SLC44A5: variants seen among roughly 807,000 people sequenced by gnomAD.
SLC44A5 encodes the protein choline transporter-like protein 5.
A neutral mutation model predicts 101.8 loss-of-function variants in SLC44A5; 57 were observed. The ratio of observed to expected loss-of-function variants is 0.56; its 90% CI spans 0.45 to 0.70. SLC44A5 has a LOEUF of 0.70. SLC44A5 is among the 30% of genes least tolerant of loss of function. The pLI is 0.00. For missense variants in SLC44A5, 737 were observed against 853.1 expected (o/e 0.86, Z 1.70); for synonymous variants, 281 against 290.9 (o/e 0.97, Z 0.35).
At chr1:75,350,045 A>G (rs938112134) in intron 3 of SLC44A5, among the ~76,000 whole-genome samples, 4 of 152,144 alleles carry the variant, frequency 2.6e-5, no homozygotes, top group African/African-American at 9.7e-5. Context: ...CTGAATGTTT[A>G]TGCCCTCCCA....
intron 6 of SLC44A5, among the ~76,000 whole-genome samples, chr1:75,263,779 A>C (rs189190186): frequency 2.0e-5 from 3 of 152,324 alleles, no homozygotes; most frequent in Non-Finnish European, 2.9e-5. Context: ...GTACATATAC[A>C]CCATGGACTA....
intron 2 of SLC44A5, among the ~76,000 whole-genome samples, chr1:75,428,902 AAG>A: frequency 6.6e-6 from 1 of 152,324 alleles, no homozygotes; most frequent in African/African-American, 2.4e-5. Flanking sequence ...TGCCAGAAGT[AAG>A]AGTCTTAGTT....
At chr1:75,427,382 T>C (rs78790344) in intron 2 of SLC44A5, among the ~76,000 whole-genome samples, 3,398 of 152,320 alleles carry the variant, frequency 0.022, 144 homozygotes, top group African/African-American at 0.077. Flanking sequence ...CAGTCATGCA[T>C]TGAAATTCCA....
intron 5 of SLC44A5, among the ~76,000 whole-genome samples, chr1:75,287,087 A>C (rs898276411): frequency 3.3e-5 from 5 of 151,746 alleles, no homozygotes; most frequent in Non-Finnish European, 5.9e-5. Flanking sequence ...TTATTCTTAA[A>C]TTTGGTTGTT....
At chr1:75,638,142 T>C in the SLC44A5 span, among the ~76,000 whole-genome samples, 2 of 151,966 alleles carry the variant, frequency 1.3e-5, no homozygotes, top group African/African-American at 2.4e-5. Flanking sequence ...GCAGTAAATA[T>C]GATACAAAAT....
the SLC44A5 span, among the ~76,000 whole-genome samples, chr1:75,702,241 C>T: frequency 1.3e-5 from 2 of 152,178 alleles, no homozygotes; most frequent in Non-Finnish European, 2.9e-5. Context: ...AGGCATCATG[C>T]TACCTGACTT....
chr1:75,423,061 G>T (rs1247723001), intron 2 of SLC44A5, among the ~76,000 whole-genome samples: 1 of 152,160 alleles, frequency 6.6e-6, no homozygotes, highest in Admixed American at 6.5e-5. Flanking sequence ...ATTAAATCCT[G>T]ATTCATCTCT....
chr1:75,481,476 A>T (rs1008793419), intron 2 of SLC44A5, among the ~76,000 whole-genome samples: 16 of 152,050 alleles, frequency 1.1e-4, no homozygotes, highest in African/African-American at 3.9e-4. Flanking sequence ...CAACCTACAA[A>T]ATGGGAGAAA....
intron 1 of SLC44A5, among the ~76,000 whole-genome samples, chr1:75,566,323 T>G (rs1184826849): frequency 1.3e-5 from 2 of 152,232 alleles, no homozygotes; most frequent in Non-Finnish European, 2.9e-5. Flanking sequence ...AATGAAATTA[T>G]CAATACTAAT....
At position 75,498,093 on chromosome 1, in the gene SLC44A5, T is replaced by A. The variant is rs900348593; in HGVS notation, c.13+43342A>T. ...GAAAATTGCTAGAAAAAGATCATTA[T>A]GTATACATTAAGACTTTTTCAAAAT... On this transcript the variant is annotated intron_variant, in intron 2 of 23. Transcript: ENST00000370859. Among the ~76,000 whole-genome samples, 10 of 152,338 alleles carry A rather than the reference T, an allele frequency of 6.6e-5. No individual in the cohort carries two copies. In the East Asian group the frequency reaches 1.3e-3, roughly 21 times the overall value.
chr1:75,574,549 A>C (rs1557923351), intron 1 of SLC44A5, among the ~76,000 whole-genome samples: 1 of 152,252 alleles, frequency 6.6e-6, no homozygotes, highest in Non-Finnish European at 1.5e-5. Flanking sequence ...AAGCAGAAGC[A>C]GGTCTGGCTC....
intron 3 of SLC44A5, among the ~76,000 whole-genome samples, chr1:75,383,087 AC>A (rs1411994753): frequency 9.3e-5 from 1 of 10,698 alleles, no homozygotes; most frequent in Non-Finnish European, 2.0e-4. Flanking sequence ...TGGAGGTGGG[AC>A]CTGCGGGCAG....
chr1:75,320,909 C>T (rs1053793846), intron 4 of SLC44A5, among the ~76,000 whole-genome samples: 2 of 151,926 alleles, frequency 1.3e-5, no homozygotes, highest in African/African-American at 2.4e-5. Flanking sequence ...GATACATGAC[C>T]GTGTTTCAGA....
chr1:75,679,370 G>A, the SLC44A5 span, among the ~76,000 whole-genome samples: 8 of 152,140 alleles, frequency 5.3e-5, no homozygotes, highest in East Asian at 1.9e-4. Flanking sequence ...GAGAAAGGTC[G>A]GGTTACCCTC....
intron 5 of SLC44A5, among the ~76,000 whole-genome samples, chr1:75,295,439 A>C (rs1653890764): frequency 6.6e-6 from 1 of 152,216 alleles, no homozygotes; most frequent in Admixed American, 6.5e-5. Context: ...TTTCTCCCTG[A>C]GATTTTAATT....
intron 2 of SLC44A5, among the ~76,000 whole-genome samples, chr1:75,507,345 C>G (rs1221185678): frequency 1.3e-5 from 2 of 152,040 alleles, no homozygotes; most frequent in Non-Finnish European, 2.9e-5. Context: ...TGTGGTTGAT[C>G]ACATTCATTG....
the SLC44A5 span, among the ~76,000 whole-genome samples, chr1:75,632,263 T>G: frequency 2.6e-5 from 4 of 152,208 alleles, no homozygotes; most frequent in Non-Finnish European, 4.4e-5. Context: ...ATGGATCATC[T>G]TATACTTACT....
rs192849997 is a variant in SLC44A5 at position 75,278,537 on chromosome 1, C to T, written c.176-3495G>A. ...TCACAGATAATATATCTCAGCCAAA[C>T]TCATAATTTCCTTTAAAAAGGCAAT... On this transcript the variant is annotated intron_variant, in intron 5 of 23. Transcript: ENST00000370859. 1.2e-3 allele frequency among the ~76,000 whole-genome samples: 179 copies of T among 152,204 alleles called. 2 individuals carry two copies. The highest frequency in any genetic ancestry group is 4.1e-3 in the African/African-American group (171 of 41,540).
chr1:75,349,227 G>A (rs117992486), intron 3 of SLC44A5, among the ~76,000 whole-genome samples: 540 of 152,084 alleles, frequency 3.6e-3, no homozygotes, highest in African/African-American at 0.012. Context: ...TAGTCCCAGC[G>A]GCTTGGGAGG....
Sources: gnomAD v4.1 joint callset for allele counts (sites outside exome capture counted in the v4.1 genomes callset) on GRCh38, gnomAD v4.1.1 for gene constraint, MANE v1.5 for transcripts, NCBI Gene and HGNC (gene_info 2026-07-23, HGNC 2026-07-21) for gene names.